CRPPA: variants seen among roughly 807,000 people sequenced by gnomAD.
CRPPA encodes the protein CDP-L-ribitol pyrophosphorylase A.
CRPPA carries 43 observed loss-of-function variants against 52.0 expected under a neutral mutation model. That is an observed-to-expected ratio of 0.83 (90% CI 0.65 to 1.07). The LOEUF (loss-of-function observed/expected upper bound fraction) is 1.07. CRPPA is among the 50% of genes least tolerant of loss of function. CRPPA has a pLI of 0.00. For synonymous variants in CRPPA, 250 were observed against 203.5 expected (o/e 1.23, Z -1.94); for missense variants, 629 against 551.7 (o/e 1.14, Z -1.40).
chr7:16,251,007 C>T (rs1000906213), intron 8 of CRPPA, among the ~76,000 whole-genome samples: 3 of 151,536 alleles, frequency 2.0e-5, no homozygotes, highest in Non-Finnish European at 4.4e-5. Context: ...CATACATACA[C>T]TCAAAATAAA....
At chr7:16,260,469 T>C (rs1562592771) in intron 6 of CRPPA, among the ~76,000 whole-genome samples, 1 of 151,988 alleles carries the variant, frequency 6.6e-6, no homozygotes, top group Non-Finnish European at 1.5e-5. Context: ...TCCATGGAAA[T>C]TGGAATTCAG....
intron 6 of CRPPA, 60 bp downstream of exon 6, chr7:16,278,069 T>G: frequency 1.2e-6 from 1 of 832,422 alleles, no homozygotes; most frequent in Non-Finnish European, 2.0e-6. Flanking sequence ...GAAAGATATC[T>G]TTATACTATA....
intron 8 of CRPPA, among the ~76,000 whole-genome samples, chr7:16,230,447 A>AT (rs745434732): frequency 1.3e-5 from 2 of 151,866 alleles, no homozygotes; most frequent in East Asian, 3.9e-4. Flanking sequence ...CACCTCCAGG[A>AT]TTTGATTTTT....
Position 16,133,967 on chromosome 7 carries a change from T to C in CRPPA, c.1252-42168A>G, listed in dbSNP as rs1023533665. Among the ~76,000 whole-genome samples, 4 of 124,502 alleles carry C rather than the reference T, an allele frequency of 3.2e-5. 1 individual carries two copies. The highest frequency in any genetic ancestry group is 1.0e-4 in the African/African-American group (4 of 38,422). The allele number at this position is 124,502 out of a possible 152,430, so 81.7% of individuals were successfully genotyped here. The stretch of plus-strand genomic sequence containing the variant: ...TTTTTTCCGAGATGGAGTCTCGCTC[T>C]GTTGCCCAGGCTGGAGTGCAGTGGC... On this transcript the variant is annotated intron_variant, in intron 9 of 9. Transcript: ENST00000407010.
intron 9 of CRPPA, among the ~76,000 whole-genome samples, chr7:16,182,302 TA>T (rs1781427784): frequency 1.3e-5 from 2 of 152,028 alleles, no homozygotes; most frequent in African/African-American, 2.4e-5. Flanking sequence ...GTTTATGAAA[TA>T]TAAAAAGATT....
chr7:16,398,593 G>C (rs1477682567), intron 2 of CRPPA, among the ~76,000 whole-genome samples: 2 of 152,034 alleles, frequency 1.3e-5, no homozygotes, highest in African/African-American at 2.4e-5. Context: ...CGTGACTGAC[G>C]TTGCTACAGC....
At chr7:16,201,035 C>T (rs1269303070) in intron 9 of CRPPA, among the ~76,000 whole-genome samples, 2 of 151,988 alleles carry the variant, frequency 1.3e-5, no homozygotes, top group East Asian at 1.9e-4. Flanking sequence ...CATATGAATA[C>T]ATAAAAATAT....
At chr7:16,124,650 A>G (rs1562516057) in intron 9 of CRPPA, among the ~76,000 whole-genome samples, 1 of 152,194 alleles carries the variant, frequency 6.6e-6, no homozygotes, top group Non-Finnish European at 1.5e-5. Flanking sequence ...CTATAGCACT[A>G]CAGGGTAACT....
chr7:16,286,070 TATATATATATA>T (rs1784435120), intron 5 of CRPPA, among the ~76,000 whole-genome samples: 2 of 21,780 alleles, frequency 9.2e-5, no homozygotes, highest in Non-Finnish European at 1.6e-4. Flanking sequence ...TATATATATA[TATATATATATA>T]ATATTTAAAA....
chr7:16,309,506 G>C lies in CRPPA; in HGVS notation c.685-879C>G, dbSNP rs146061731. ...GAAGGCCTATCAGAGGAAATGGCTT[G>C]ATCTCCAACAGCAGAATAAAATTGA... is the stretch of plus-strand genomic sequence containing the variant. On this transcript the variant is annotated intron_variant, in intron 3 of 9. Transcript: ENST00000407010. 7.0e-3 allele frequency among the ~76,000 whole-genome samples: 1,068 copies of C among 152,288 alleles called. 17 individuals are homozygous for C. The highest frequency in any genetic ancestry group is 0.025 in the African/African-American group (1,043 of 41,570).
chr7:16,415,433 T>A (rs978209856), intron 1 of CRPPA, among the ~76,000 whole-genome samples: 3 of 152,218 alleles, frequency 2.0e-5, no homozygotes, highest in African/African-American at 7.2e-5. Context: ...AGTCATTAGC[T>A]GTGCTAATTC....
intron 3 of CRPPA, among the ~76,000 whole-genome samples, chr7:16,366,482 A>G (rs1454373439): frequency 1.3e-5 from 2 of 152,212 alleles, no homozygotes; most frequent in African/African-American, 4.8e-5. Flanking sequence ...TGCTAACCTT[A>G]TATAACTATA....
chr7:16,109,036 A>G (rs929127293), intron 9 of CRPPA, among the ~76,000 whole-genome samples: 2 of 151,870 alleles, frequency 1.3e-5, no homozygotes, highest in African/African-American at 4.8e-5. Flanking sequence ...AGAAAAAGAC[A>G]AACTCGGCCT....
At chr7:16,217,996 C>G (rs985135586) in intron 8 of CRPPA, among the ~76,000 whole-genome samples, 2 of 150,728 alleles carry the variant, frequency 1.3e-5, no homozygotes, top group African/African-American at 4.9e-5. Flanking sequence ...TTGTCAGATT[C>G]ACCAAAGATG....
At chr7:16,144,297 C>T (rs919412422) in intron 9 of CRPPA, among the ~76,000 whole-genome samples, 1 of 152,220 alleles carries the variant, frequency 6.6e-6, no homozygotes. Flanking sequence ...TTAGGCCCAA[C>T]TGAAGTTCCT....
chr7:16,246,450 C>A (rs1783277682), intron 8 of CRPPA, among the ~76,000 whole-genome samples: 1 of 152,158 alleles, frequency 6.6e-6, no homozygotes, highest in Non-Finnish European at 1.5e-5. Flanking sequence ...CACGAATGTT[C>A]CTAACGGCAA....
Position 16,406,077 on chromosome 7 carries a change from G to A in CRPPA, c.518C>T (p.Ala173Val), listed in dbSNP as rs769309179. ...AAGACTTACCCCGTGTTCCTTAGCA[G>A]CTGTGACAACTTTAAGAAGGACACC... is the stretch of plus-strand genomic sequence containing the variant. Reference protein sequence around the residue: ...EEGVLLKVVTAAKEHGAAGAI... With the variant: ...EEGVLLKVVTVAKEHGAAGAI... Residue 173 changes from alanine to valine, a missense_variant, in exon 2 of 10, where the codon GCT (alanine) becomes GTT (valine). Coordinates refer to ENST00000407010, the MANE Select transcript of CRPPA (RefSeq NM_001101426.4). 1 of 1,613,456 alleles carries A rather than the reference G, an allele frequency of 6.2e-7. No homozygotes were observed. The highest frequency in any genetic ancestry group is 1.3e-5 in the African/African-American group (1 of 74,918).
Position 16,257,369 on chromosome 7 carries a change from A to G in CRPPA, c.1119+1021T>C, listed in dbSNP as rs775141426. ...CTACAGAGCCTCAGAGGCTTCCAAC[A>G]TTGGATATATTCCATATTGTTTCTA... On this transcript the variant is annotated intron_variant, in intron 8 of 9. Coordinates refer to ENST00000407010, the MANE Select transcript of CRPPA (RefSeq NM_001101426.4). Among the ~76,000 whole-genome samples, 3 of 152,226 alleles carry G rather than the reference A, an allele frequency of 2.0e-5. 1 individual carries two copies. Among genetic ancestry groups the G allele is most frequent in the South Asian group, 4.1e-4 (2 of 4,822 alleles).
At chr7:16,162,045 T>G (rs561520896) in intron 9 of CRPPA, among the ~76,000 whole-genome samples, 33 of 152,280 alleles carry the variant, frequency 2.2e-4, no homozygotes, top group African/African-American at 7.9e-4. Flanking sequence ...CCCTTTATCA[T>G]TTTTTATTGT....
Sources: allele counts gnomAD v4.1 joint callset (sites outside exome capture counted in the v4.1 genomes callset), GRCh38; gene constraint gnomAD v4.1.1; transcripts MANE v1.5; gene names NCBI Gene and HGNC (gene_info 2026-07-23, HGNC 2026-07-21).